Variants in FMN2 observed in about 807,000 individuals in gnomAD.
FMN2 encodes formin 2.
FMN2 carries 51 observed loss-of-function variants against 142.3 expected under a neutral mutation model. That is an observed-to-expected ratio of 0.36 (90% CI 0.29 to 0.45). The LOEUF (loss-of-function observed/expected upper bound fraction) is 0.45, where lower values mean the gene tolerates loss of function less well. Ranked by LOEUF, FMN2 falls within the 20% of genes least tolerant of loss-of-function variation. The pLI is 1.00. For synonymous variants in FMN2, 882 were observed against 869.8 expected, an observed-to-expected ratio of 1.01 and a Z score of -0.25; for missense variants, 1,936 against 2,122.8, an observed-to-expected ratio of 0.91 and a Z score of 1.73.
intron 16 of FMN2, among the ~76,000 whole-genome samples, chr1:240,460,563 C>CAA (rs1332636232): frequency 1.3e-5 from 2 of 151,616 alleles, no homozygotes; most frequent in African/African-American, 4.9e-5. Context: ...GGTGACAGAG[C>CAA]AAAACTCTGT....
In FMN2 at chr1:240,208,547, C is replaced by T. The variant is rs1302238310; in HGVS notation, c.3735C>T (p.Leu1245=). ...TGCTTCCTGTATCAGGCCCTCCACT[C>T]CTCCCACAAGTTGGGAGTAGCACTT... ...PPLLPVSGPP[L]LPQVGSSTLP... Residue 1245 remains leucine, a synonymous_variant, in exon 5 of 18, where the codon CTC becomes CTT. Transcript: ENST00000319653. 6 of 1,613,440 alleles carry T rather than the reference C, an allele frequency of 3.7e-6. No individual in the cohort carries two copies. Among genetic ancestry groups the T allele is most frequent in the Non-Finnish European group, 5.1e-6 (6 of 1,179,872 alleles).
chr1:240,093,727 G>T lies in FMN2; in HGVS notation c.1615+3G>T. 1 of 1,329,610 alleles carries T rather than the reference G, an allele frequency of 7.5e-7. No homozygotes were observed. Among genetic ancestry groups the T allele is most frequent in the South Asian group, 2.4e-5 (1 of 41,664 alleles). 82.4% of individuals were successfully genotyped at this position (1,329,610 alleles called of 1,614,324 possible). ...TGGCTTCCAGAACGTGTTCACAGGT[G>T]AGCGCGCCCTGCTGCTGGCCTCCGG... is the stretch of plus-strand genomic sequence containing the variant. On this transcript the variant is annotated splice_donor_region_variant and intron_variant, in intron 1 of 17. Coordinates refer to ENST00000319653, the MANE Select transcript of FMN2 (RefSeq NM_020066.5).
At chr1:240,468,317 C>A (rs368477474) in intron 16 of FMN2, among the ~76,000 whole-genome samples, 2 of 149,156 alleles carry the variant, frequency 1.3e-5, no homozygotes, top group African/African-American at 5.0e-5. Context: ...CACATATATA[C>A]ATATGCACAC....
At chr1:240,307,130 A>G (rs1189112144) in intron 8 of FMN2, among the ~76,000 whole-genome samples, 1 of 152,106 alleles carries the variant, frequency 6.6e-6, no homozygotes, top group African/African-American at 2.4e-5. Context: ...AATCCCTTAT[A>G]GATTCTGGAT....
chr1:240,106,948 T>C (rs1401657675), intron 1 of FMN2, among the ~76,000 whole-genome samples: 2 of 151,784 alleles, frequency 1.3e-5, no homozygotes, highest in Non-Finnish European at 2.9e-5. Context: ...CCTCCCAAAG[T>C]GCCGGTTTTA....
rs776258058 is a variant in FMN2 at position 240,392,531 on chromosome 1, G to A, written c.4879G>A (p.Glu1627Lys). The part of the protein sequence containing the change: ...IIQAKIDQEA[E>K]ENSLTETHKC... Reference sequence around the variant, plus strand: ...TTCAGCCAAAATTGACCAAGAGGCAGAGGAAAATTCACTGACAGAGACTCA... The same window carrying A: ...TTCAGCCAAAATTGACCAAGAGGCAAAGGAAAATTCACTGACAGAGACTCA... The change falls in exon 15 of 18, where the codon GAG becomes AAG. Residue 1627 changes from glutamate to lysine, a missense_variant. Around this residue, in one of 8 missense-constraint regions of FMN2, gnomAD observed 322 missense variants for 401.6 expected, o/e 0.80. Transcript: ENST00000319653. The A allele has an allele frequency of 6.2e-7, 1 of 1,610,050 alleles. No individual in the cohort carries two copies. Among genetic ancestry groups the A allele is most frequent in the South Asian group, 1.1e-5 (1 of 90,186 alleles).
At chr1:240,161,971 AT>A (rs1664299409) in intron 2 of FMN2, among the ~76,000 whole-genome samples, 2 of 152,180 alleles carry the variant, frequency 1.3e-5, no homozygotes, top group Middle Eastern at 3.4e-3. Flanking sequence ...TTTGGAGTAT[AT>A]TGAAAGTAAA....
At chr1:240,354,079 A>G (rs780866602) in intron 13 of FMN2, among the ~76,000 whole-genome samples, 3 of 152,154 alleles carry the variant, frequency 2.0e-5, no homozygotes, top group Non-Finnish European at 4.4e-5. Context: ...TCCTGTATTC[A>G]GGGTGTAGCT....
intron 6 of FMN2, among the ~76,000 whole-genome samples, chr1:240,239,150 G>A (rs1558386930): frequency 6.6e-6 from 1 of 152,060 alleles, no homozygotes; most frequent in Admixed American, 6.5e-5. Context: ...CTTAATAGTG[G>A]CCACTTTAGA....
At chr1:240,211,850 T>G (rs573643621) in intron 6 of FMN2, among the ~76,000 whole-genome samples, 1 of 152,348 alleles carries the variant, frequency 6.6e-6, no homozygotes, top group African/African-American at 2.4e-5. Context: ...TTTTTTCTAC[T>G]GATATATCCA....
At chr1:240,118,808 C>T (rs948364782) in intron 1 of FMN2, among the ~76,000 whole-genome samples, 1 of 151,846 alleles carries the variant, frequency 6.6e-6, no homozygotes, top group Non-Finnish European at 1.5e-5. Context: ...AGAGGTGGAA[C>T]GTGGGGCAGT....
chr1:240,280,646 G>A (rs898638555), intron 7 of FMN2, among the ~76,000 whole-genome samples: 3 of 152,030 alleles, frequency 2.0e-5, no homozygotes, highest in Admixed American at 1.3e-4. Context: ...TTGCAGTGCT[G>A]GTTTACGGAA....
At position 240,329,484 on chromosome 1, in the gene FMN2, AAG is replaced by A; in HGVS notation, c.4437+21_4437+22del. The A allele has an allele frequency of 1.9e-6, 3 of 1,609,712 alleles. 1 individual carries two copies. In the South Asian group the frequency reaches 3.3e-5, roughly 18 times the overall value. ...ATTGTGTGAGGTGAGTTCTGGTCCA[AAG>A]AGAGCTGAACTTGAGTCTCATTTAA... On this transcript the variant is annotated intron_variant, in intron 10 of 17. Coordinates refer to ENST00000319653, the MANE Select transcript of FMN2 (RefSeq NM_020066.5).
chr1:240,214,236 A>C (rs1666799314), intron 6 of FMN2, among the ~76,000 whole-genome samples: 1 of 152,152 alleles, frequency 6.6e-6, no homozygotes, highest in Non-Finnish European at 1.5e-5. Flanking sequence ...CCCGTCTCTT[A>C]AGGAATAAAG....
chr1:240,438,594 A>G (rs185953742), intron 16 of FMN2, among the ~76,000 whole-genome samples: 2 of 152,380 alleles, frequency 1.3e-5, no homozygotes, highest in East Asian at 3.9e-4. Flanking sequence ...TGCTCAATTC[A>G]TGGGATATTG....
rs537683330 is a variant in FMN2 at position 240,165,223 on chromosome 1, T to C, written c.1783-12698T>C. Among the ~76,000 whole-genome samples, 3 of 152,338 alleles carry C rather than the reference T, an allele frequency of 2.0e-5. No homozygotes were observed. In the South Asian group the frequency reaches 6.2e-4, roughly 32 times the overall value. On this transcript the variant is annotated intron_variant, in intron 2 of 17. Transcript: ENST00000319653. ...CAGGGTCTCATGTTGTTTCCCAGGC[T>C]GAAGTGCTGTGGTGCGATCATAGCT...
intron 13 of FMN2, among the ~76,000 whole-genome samples, chr1:240,354,002 G>T (rs1230464829): frequency 6.6e-6 from 1 of 152,162 alleles, no homozygotes; most frequent in Non-Finnish European, 1.5e-5. Flanking sequence ...GAGATGGATG[G>T]TTTAAAAGTT....
chr1:240,183,903 A>G (rs1665260926), intron 3 of FMN2, among the ~76,000 whole-genome samples: 1 of 152,208 alleles, frequency 6.6e-6, no homozygotes, highest in South Asian at 2.1e-4. Flanking sequence ...CCATTAAAGA[A>G]GCTATAATAT....
Position 240,398,563 on chromosome 1 carries a change from TAAG to T in FMN2, c.4910+6004_4910+6006del, listed in dbSNP as rs767783782. Among the ~76,000 whole-genome samples, 158 of 152,180 alleles carry T rather than the reference TAAG, an allele frequency of 1.0e-3. 1 individual carries two copies. The highest frequency in any genetic ancestry group is 1.6e-3 in the Admixed American group (25 of 15,294). ...GAACCCCAAAATTCAAAAGTAAAAA[TAAG>T]AATAATGAATCATATGAAACATTTG... is the stretch of plus-strand genomic sequence containing the variant. On this transcript the variant is annotated intron_variant, in intron 15 of 17. Transcript: ENST00000319653.
Sources: gnomAD v4.1 joint callset for allele counts (sites outside exome capture counted in the v4.1 genomes callset) on GRCh38, gnomAD v4.1.1 for gene constraint, gnomAD v4.1.1 regional missense constraint, MANE v1.5 for transcripts, NCBI Gene and HGNC (gene_info 2026-07-23, HGNC 2026-07-21) for gene names.